The following POLA1 variants were observed in gnomAD, a reference collection of about 807,000 sequenced individuals.
The protein encoded by POLA1 is DNA polymerase alpha 1, catalytic subunit.
In POLA1, 15 loss-of-function variants were observed where a neutral mutation model predicts 124.0. The observed-to-expected ratio is 0.12, with a 90% CI of 0.08 to 0.19. The LOEUF (loss-of-function observed/expected upper bound fraction) is 0.19. POLA1 is among the 10% of genes least tolerant of loss of function. The probability of loss-of-function intolerance (pLI) is 1.00; values close to 1 mark genes in which losing one functional copy is unlikely to be tolerated. For synonymous variants in POLA1, 408 were observed against 389.4 expected (o/e 1.05, Z -0.56); for missense variants, 886 against 1,103.4 (o/e 0.80, Z 2.79).
intron 26 of POLA1, among the ~76,000 whole-genome samples, chrX:24,775,786 T>C (rs1352859037): frequency 8.9e-6 from 1 of 111,966 alleles, no homozygotes; most frequent in Non-Finnish European, 1.9e-5. Flanking sequence ...TTTTTAAAAT[T>C]GAAACAACAG....
rs61756363 is a variant in POLA1 at position 24,930,473 on chromosome X, C to T, written c.4185C>T (p.Tyr1395=). Residue 1395 remains tyrosine (Y), a synonymous_variant, in exon 36 of 37, where the codon TAC becomes TAT. Transcript: ENST00000379068. Reference sequence around the variant, plus strand: ...TACAGTATTCTGACAAGTCCCTGTACACCCAGCTGTGCTTTTACCGGTACA... The same window carrying T: ...TACAGTATTCTGACAAGTCCCTGTATACCCAGCTGTGCTTTTACCGGTACA... The part of the protein sequence containing the change: ...LQPEYSDKSL[Y]TQLCFYRYIF... 1,305 of 1,186,169 alleles carry T rather than the reference C, an allele frequency of 1.1e-3. 1 individual carries two copies. Among genetic ancestry groups the T allele is most frequent in the Non-Finnish European group, 1.1e-3 (944 of 872,959 alleles).
At chrX:24,904,370 G>A (rs1359000556) in intron 35 of POLA1, among the ~76,000 whole-genome samples, 1 of 110,518 alleles carries the variant, frequency 9.0e-6, no homozygotes, top group African/African-American at 3.3e-5. Flanking sequence ...GGAGAAGCAA[G>A]TAGTGGCAAA....
intron 36 of POLA1, among the ~76,000 whole-genome samples, chrX:24,959,277 A>T (rs2048142831): frequency 9.0e-6 from 1 of 111,138 alleles, no homozygotes; most frequent in African/African-American, 3.3e-5. Context: ...CAGCCTGGCT[A>T]ACATGGTGAA....
chrX:24,995,950 A>G lies in POLA1; in HGVS notation c.4407A>G (p.Ter1469=), dbSNP rs141613908. 1.2e-4 allele frequency: 139 copies of G among 1,205,398 alleles called. No individual in the cohort carries two copies. In the African/African-American group the frequency reaches 2.3e-3, roughly 20 times the overall value. Residue 1469 remains the stop codon, a stop_retained_variant, in exon 37 of 37, where the codon TAA becomes TAG. Coordinates refer to ENST00000379068, the MANE Select transcript of POLA1 (RefSeq NM_001330360.2). ...KLFAGCAVKS[*] ...TCGCTGGTTGTGCCGTGAAATCCTA[A>G]GGGAATCCCAGGAGTAACCAAGGAG...
chrX:24,738,449 C>T (rs922241102), intron 19 of POLA1, among the ~76,000 whole-genome samples: 2 of 109,637 alleles, frequency 1.8e-5, no homozygotes, highest in South Asian at 3.9e-4. Context: ...TGTATAAGAA[C>T]GCAATATTGC....
In POLA1 at chrX:24,699,513, GA is replaced by G; in HGVS notation, c.137del (p.Lys46ArgfsTer84). 2 of 1,184,191 alleles carry G rather than the reference GA, an allele frequency of 1.7e-6. No homozygotes were observed. The highest frequency in any genetic ancestry group is 2.3e-6 in the Non-Finnish European group (2 of 879,541). ...KGRQEALERL[K>X]KAKAGEKYKY... Reference sequence around the variant, plus strand: ...GGCGCCAAGAAGCCCTAGAAAGACTGAAAAAGGCTAAAGCTGGTGAGAAGTA... The same window carrying G: ...GGCGCCAAGAAGCCCTAGAAAGACTGAAAAGGCTAAAGCTGGTGAGAAGTA... On this transcript the variant is annotated frameshift_variant, in exon 2 of 37. Transcript: ENST00000379068. LOFTEE classifies it high-confidence loss of function.
intron 35 of POLA1, among the ~76,000 whole-genome samples, chrX:24,909,680 G>T (rs2147176836): frequency 9.0e-6 from 1 of 111,635 alleles, no homozygotes; most frequent in South Asian, 3.8e-4. Context: ...GATGCCTCCA[G>T]CTTTGTTCTT....
chrX:24,727,599 A>G, intron 14 of POLA1, among the ~76,000 whole-genome samples, 183 bp from the exon 15 acceptor site: 1 of 112,236 alleles, frequency 8.9e-6, no homozygotes, highest in Non-Finnish European at 1.9e-5. Flanking sequence ...ACATATGTAC[A>G]CACACGTGAG....
intron 11 of POLA1, 27 bp downstream of exon 11, chrX:24,723,294 T>G: frequency 1.0e-6 from 1 of 969,133 alleles, no homozygotes; most frequent in East Asian, 3.1e-5. Context: ...AGCTTTTAGT[T>G]CTCAGTCGTT....
In POLA1 at chrX:24,717,629, G is replaced by A. The variant is rs1423912856; in HGVS notation, c.958G>A (p.Asp320Asn). ...VSCWDIDQEG[D>N]SSFSVQEVQV... ...TTGTTGGGACATTGATCAAGAAGGT[G>A]ATAGCAGTTTCTCAGTGCAAGAAGT... Residue 320 changes from aspartate (D) to asparagine (N), a missense_variant, in exon 10 of 37, where the codon GAT becomes AAT. Transcript: ENST00000379068. 2 of 1,209,372 alleles carry A rather than the reference G, an allele frequency of 1.7e-6. No individual in the cohort carries two copies. Among genetic ancestry groups the A allele is most frequent in the South Asian group, 3.5e-5 (2 of 56,881 alleles).
intron 34 of POLA1, among the ~76,000 whole-genome samples, chrX:24,868,355 A>G (rs2046822093): frequency 8.9e-6 from 1 of 112,080 alleles, no homozygotes; most frequent in Admixed American, 9.5e-5. Flanking sequence ...TGGAGCTTTC[A>G]GACAGGACTT....
At chrX:24,790,696 G>A (rs2045473183) in intron 26 of POLA1, among the ~76,000 whole-genome samples, 1 of 109,738 alleles carries the variant, frequency 9.1e-6, no homozygotes, top group African/African-American at 3.3e-5. Flanking sequence ...ATCCCCAACA[G>A]GATTGAATCA....
intron 28 of POLA1, 149 bp downstream of exon 28, chrX:24,810,949 T>C (rs761678417): frequency 7.1e-5 from 27 of 379,489 alleles, no homozygotes; most frequent in Non-Finnish European, 1.1e-4. Context: ...TTTTCTGTCT[T>C]TCTTTATTAT....
At chrX:24,796,846 G>C (rs144917255) in intron 26 of POLA1, among the ~76,000 whole-genome samples, 1 of 111,222 alleles carries the variant, frequency 9.0e-6, no homozygotes, top group South Asian at 3.9e-4. Context: ...TGCCCTTGCA[G>C]TTCTGGTTGC....
chrX:24,949,922 C>T (rs988786219), intron 36 of POLA1, among the ~76,000 whole-genome samples: 26 of 109,028 alleles, frequency 2.4e-4, no homozygotes, highest in African/African-American at 3.7e-4. Context: ...TTAGTTGAGA[C>T]GGGGGATCAC....
intron 36 of POLA1, among the ~76,000 whole-genome samples, chrX:24,978,409 CACCCAGG>C (rs2048389165): frequency 9.0e-6 from 1 of 111,562 alleles, no homozygotes; most frequent in Middle Eastern, 4.3e-3. Flanking sequence ...CCTCATATTC[CACCCAGG>C]TCAAATTTGA....
chrX:24,977,148 C>G (rs2147282764), intron 36 of POLA1, among the ~76,000 whole-genome samples: 1 of 112,128 alleles, frequency 8.9e-6, no homozygotes, highest in Non-Finnish European at 1.9e-5. Flanking sequence ...TCCCTGTGCC[C>G]TACAGTCTGT....
intron 23 of POLA1, among the ~76,000 whole-genome samples, chrX:24,744,807 C>T (rs965969929): frequency 2.8e-5 from 3 of 108,112 alleles, no homozygotes; most frequent in African/African-American, 1.0e-4. Flanking sequence ...AAAAATTAGC[C>T]GAGCACGGTG....
At chrX:24,777,984 T>C (rs2045175134) in intron 26 of POLA1, among the ~76,000 whole-genome samples, 1 of 112,015 alleles carries the variant, frequency 8.9e-6, no homozygotes, top group Non-Finnish European at 1.9e-5. Flanking sequence ...ATATATCCGA[T>C]GTCAATAAGA....
Sources: gnomAD v4.1 joint callset for allele counts (sites outside exome capture counted in the v4.1 genomes callset) on GRCh38, gnomAD v4.1.1 for gene constraint, MANE v1.5 for transcripts, NCBI Gene and HGNC (gene_info 2026-07-23, HGNC 2026-07-21) for gene names.